The following PTPRT variants were observed in gnomAD, a reference collection of about 807,000 sequenced individuals.
The protein encoded by PTPRT is receptor-type tyrosine-protein phosphatase T.
Under a neutral mutation model 176.8 loss-of-function variants are expected in PTPRT, and 56 were observed. The ratio of observed to expected loss-of-function variants is 0.32; its 90% CI spans 0.26 to 0.40. PTPRT has a LOEUF of 0.40. Among genes scored for constraint, PTPRT ranks in the 10% least tolerant of loss-of-function variants. The pLI, the probability that PTPRT is intolerant of heterozygous loss-of-function variation, is 1.00. For synonymous variants in PTPRT, 783 were observed against 739.0 expected (o/e 1.06, Z -0.96); for missense variants, 1,540 against 1,908.2 (o/e 0.81, Z 3.60).
At chr20:42,628,006 A>G (rs2074327764) in intron 7 of PTPRT, among the ~76,000 whole-genome samples, 1 of 152,158 alleles carries the variant, frequency 6.6e-6, no homozygotes, top group Non-Finnish European at 1.5e-5. Flanking sequence ...AACTGGGAGA[A>G]CAGGTCAGTC....
At chr20:42,798,758 G>A (rs928773141) in intron 2 of PTPRT, among the ~76,000 whole-genome samples, 1 of 152,024 alleles carries the variant, frequency 6.6e-6, no homozygotes, top group African/African-American at 2.4e-5. Flanking sequence ...GGTAAGTTGG[G>A]GTTTCAGCAT....
intron 1 of PTPRT, among the ~76,000 whole-genome samples, chr20:42,991,547 A>G (rs1235536244): frequency 1.3e-5 from 2 of 152,128 alleles, no homozygotes; most frequent in African/African-American, 4.8e-5. Context: ...GGTGGTTTCC[A>G]GGGACTGGTG....
intron 1 of PTPRT, among the ~76,000 whole-genome samples, chr20:42,986,867 T>C (rs954308934): frequency 6.6e-6 from 1 of 152,164 alleles, no homozygotes; most frequent in Admixed American, 6.5e-5. Flanking sequence ...GGGGCTTCTG[T>C]GAACACCAGA....
intron 9 of PTPRT, among the ~76,000 whole-genome samples, chr20:42,447,891 A>C (rs1206569710): frequency 6.6e-6 from 1 of 152,190 alleles, no homozygotes; most frequent in East Asian, 1.9e-4. Context: ...TTCCCAGACG[A>C]ACTTTCAGTA....
At chr20:42,537,181 C>T (rs778742626) in intron 7 of PTPRT, among the ~76,000 whole-genome samples, 5 of 151,878 alleles carry the variant, frequency 3.3e-5, no homozygotes, top group African/African-American at 4.8e-5. Flanking sequence ...GATATATATA[C>T]GTGTTGGAAG....
At chr20:42,777,840 A>G (rs2077159163) in intron 4 of PTPRT, among the ~76,000 whole-genome samples, 1 of 152,214 alleles carries the variant, frequency 6.6e-6, no homozygotes, top group Admixed American at 6.5e-5. Flanking sequence ...ATACATTGCC[A>G]GTATTTGTCC....
At chr20:43,100,861 A>T (rs2012368981) in intron 1 of PTPRT, among the ~76,000 whole-genome samples, 1 of 151,056 alleles carries the variant, frequency 6.6e-6, no homozygotes, top group South Asian at 2.1e-4. Context: ...AAATACACAT[A>T]AACGTGTCTA....
At chr20:42,328,746 C>G (rs1046135807) in intron 11 of PTPRT, among the ~76,000 whole-genome samples, 3 of 148,950 alleles carry the variant, frequency 2.0e-5, no homozygotes, top group African/African-American at 7.5e-5. Flanking sequence ...GGAATTTAGA[C>G]AAAAAGTTCA....
intron 6 of PTPRT, among the ~76,000 whole-genome samples, chr20:42,716,299 T>C (rs547601064): frequency 7.2e-5 from 11 of 152,250 alleles, no homozygotes; most frequent in Non-Finnish European, 1.3e-4. Flanking sequence ...ATGGTATTTC[T>C]AGTTCTAGAT....
intron 7 of PTPRT, among the ~76,000 whole-genome samples, chr20:42,531,419 T>C (rs940404471): frequency 1.3e-5 from 2 of 152,240 alleles, no homozygotes; most frequent in Admixed American, 6.5e-5. Flanking sequence ...TACCTTCTTA[T>C]TAATTATCAT....
chr20:42,110,215 T>G, intron 23 of PTPRT, 118 bp downstream of exon 23: 2 of 957,338 alleles, frequency 2.1e-6, no homozygotes, highest in South Asian at 4.9e-5. Flanking sequence ...ACCAGCTAAG[T>G]TTTTGTATCT....
chr20:42,489,182 AT>A (rs1346752073), intron 7 of PTPRT, among the ~76,000 whole-genome samples: 4 of 151,880 alleles, frequency 2.6e-5, no homozygotes, highest in African/African-American at 9.7e-5. Context: ...ACATGTTGTT[AT>A]TTTTTTGAAA....
chr20:43,117,293 T>C (rs977078922), intron 1 of PTPRT, among the ~76,000 whole-genome samples: 1 of 152,178 alleles, frequency 6.6e-6, no homozygotes, highest in Non-Finnish European at 1.5e-5. Context: ...AGTAATCTAG[T>C]CTACCATGAG....
intron 2 of PTPRT, among the ~76,000 whole-genome samples, chr20:42,871,889 G>A (rs554442596): frequency 7.2e-5 from 11 of 152,262 alleles, no homozygotes; most frequent in African/African-American, 2.6e-4. Context: ...CCAAACTGAT[G>A]GACACATCAT....
intron 7 of PTPRT, among the ~76,000 whole-genome samples, chr20:42,544,811 T>A (rs566144515): frequency 3.9e-5 from 6 of 152,338 alleles, no homozygotes; most frequent in Non-Finnish European, 8.8e-5. Flanking sequence ...CTTCTTTTTT[T>A]ATTTAAAAAC....
chr20:42,300,770 A>AT (rs1361630976), intron 12 of PTPRT, among the ~76,000 whole-genome samples: 3 of 149,026 alleles, frequency 2.0e-5, no homozygotes, highest in Non-Finnish European at 4.4e-5. Context: ...TATTATTATT[A>AT]TTATTATTAT....
intron 1 of PTPRT, among the ~76,000 whole-genome samples, chr20:42,939,430 G>A (rs928521245): frequency 2.0e-5 from 3 of 152,212 alleles, no homozygotes; most frequent in Admixed American, 6.5e-5. Flanking sequence ...ACTGAGAGGT[G>A]GAGCTTGTCT....
At chr20:42,062,039 G>A in the PTPRT span, among the ~76,000 whole-genome samples, 1,871 of 152,294 alleles carry the variant, frequency 0.012, 14 homozygotes, top group Non-Finnish European at 0.018. Flanking sequence ...CTGGCCCAGC[G>A]CAGGTGAAGG....
chr20:42,883,713 CA>C lies in PTPRT; in HGVS notation c.214+2093del, dbSNP rs368953688. Among the ~76,000 whole-genome samples, 234 of 117,062 alleles carry C rather than the reference CA, an allele frequency of 2.0e-3. 6 individuals are homozygous for C. The Middle Eastern group carries it at 0.023, about 12-fold the overall frequency. 76.8% of individuals were successfully genotyped at this position (117,062 alleles called of 152,430 possible). A position where few individuals can be genotyped will look rare whatever the true frequency, so the allele number is the denominator to read the frequency against. On this transcript the variant is annotated intron_variant, in intron 2 of 30. Coordinates refer to ENST00000373187, the MANE Select transcript of PTPRT (RefSeq NM_007050.6). ...CACACACCTCCCATACACCCCCATA[CA>C]CACACACCCATACACCCCCATACAC...
Sources: allele counts gnomAD v4.1 joint callset (sites outside exome capture counted in the v4.1 genomes callset), GRCh38; gene constraint gnomAD v4.1.1; transcripts MANE v1.5; gene names NCBI Gene and HGNC (gene_info 2026-07-23, HGNC 2026-07-21).